The following STXBP5L variants were observed in gnomAD, a reference collection of about 807,000 sequenced individuals.
The protein encoded by STXBP5L is syntaxin binding protein 5L, also known as syntaxin-binding protein 5-like.
A neutral mutation model predicts 144.5 loss-of-function variants in STXBP5L; 65 were observed. That is an observed-to-expected ratio of 0.45 (90% CI 0.37 to 0.55). The LOEUF (loss-of-function observed/expected upper bound fraction) is 0.55, where lower values mean the gene tolerates loss of function less well. Among genes scored for constraint, STXBP5L ranks in the 20% least tolerant of loss-of-function variants. The pLI is 0.00. For synonymous variants in STXBP5L, 505 were observed against 469.6 expected (o/e 1.08, Z -0.97); for missense variants, 1,298 against 1,405.5 (o/e 0.92, Z 1.22).
At chr3:121,033,882 C>T (rs1014752323) in intron 3 of STXBP5L, among the ~76,000 whole-genome samples, 2 of 151,974 alleles carry the variant, frequency 1.3e-5, no homozygotes, top group Non-Finnish European at 1.5e-5. Flanking sequence ...CTGATTAATA[C>T]ATTACTGCTT....
chr3:121,170,881 A>G (rs1322655889), intron 9 of STXBP5L, among the ~76,000 whole-genome samples: 1 of 152,232 alleles, frequency 6.6e-6, no homozygotes, highest in Non-Finnish European at 1.5e-5. Flanking sequence ...TGGCAGAGAC[A>G]CAACAAAAAA....
At chr3:121,234,990 A>G (rs1252939613) in intron 12 of STXBP5L, among the ~76,000 whole-genome samples, 1 of 150,390 alleles carries the variant, frequency 6.6e-6, no homozygotes, top group East Asian at 1.9e-4. Context: ...TTTCTTCAGT[A>G]TATATATATA....
At chr3:121,090,478 T>C (rs1457979422) in intron 5 of STXBP5L, among the ~76,000 whole-genome samples, 8 of 152,172 alleles carry the variant, frequency 5.3e-5, no homozygotes, top group Admixed American at 5.2e-4. Context: ...CATATAGATG[T>C]AGAAAATATT....
chr3:121,215,218 GT>G (rs1233013129), intron 10 of STXBP5L, among the ~76,000 whole-genome samples: 1 of 152,038 alleles, frequency 6.6e-6, no homozygotes, highest in East Asian at 1.9e-4. Context: ...GGTTAATATT[GT>G]TATGTGTAAA....
In STXBP5L at chr3:121,313,288, C is replaced by T. The variant is rs1314222447; in HGVS notation, c.2111-5187C>T. On this transcript the variant is annotated intron_variant, in intron 19 of 26. Coordinates refer to ENST00000471454, the MANE Select transcript of STXBP5L (RefSeq NM_001308330.2). ...GGGGCTCCTCACTTCCCAGTAGGGG[C>T]GGCTGGGCAGAGGCGCCCCTCACCT... Among the ~76,000 whole-genome samples, 657 of 139,166 alleles carry T rather than the reference C, an allele frequency of 4.7e-3. 9 individuals are homozygous for T. Among genetic ancestry groups the T allele is most frequent in the African/African-American group, 0.016 (567 of 36,362 alleles). 91.3% of individuals were successfully genotyped at this position (139,166 alleles called of 152,430 possible). A position where few individuals can be genotyped will look rare whatever the true frequency, so the allele number is the denominator to read the frequency against.
chr3:121,326,152 ATATAT>A (rs2044138861), intron 20 of STXBP5L, among the ~76,000 whole-genome samples: 1 of 152,050 alleles, frequency 6.6e-6, no homozygotes, highest in Non-Finnish European at 1.5e-5. Context: ...CCAAATAGAA[ATATAT>A]TATATATTTT....
chr3:120,912,954 C>G (rs1402465393), intron 2 of STXBP5L, among the ~76,000 whole-genome samples: 1 of 151,884 alleles, frequency 6.6e-6, no homozygotes, highest in Non-Finnish European at 1.5e-5. Flanking sequence ...ACTAGAATAC[C>G]TTTTCTACTT....
intron 1 of STXBP5L, chr3:120,909,245 G>A (rs1435623562): frequency 4.0e-6 from 1 of 249,460 alleles, no homozygotes. Flanking sequence ...TGCTAATGAC[G>A]ATGATGACAC....
At chr3:120,939,213 T>C (rs1434346489) in intron 2 of STXBP5L, among the ~76,000 whole-genome samples, 1 of 152,192 alleles carries the variant, frequency 6.6e-6, no homozygotes, top group Non-Finnish European at 1.5e-5. Context: ...TAGTACGTAG[T>C]AAACAAATGG....
At chr3:121,217,898 C>T (rs557087792) in intron 10 of STXBP5L, among the ~76,000 whole-genome samples, 71 of 151,042 alleles carry the variant, frequency 4.7e-4, no homozygotes, top group Non-Finnish European at 7.7e-4. Context: ...GAGGTCTTTA[C>T]AATTTGTATT....
At chr3:120,960,354 T>C (rs1260924435) in intron 3 of STXBP5L, among the ~76,000 whole-genome samples, 1 of 152,192 alleles carries the variant, frequency 6.6e-6, no homozygotes, top group Non-Finnish European at 1.5e-5. Context: ...AGTGTGGCGA[T>C]TCCTCAGGGA....
intron 3 of STXBP5L, among the ~76,000 whole-genome samples, chr3:121,031,942 C>T (rs1314729585): frequency 6.6e-6 from 1 of 152,006 alleles, no homozygotes; most frequent in East Asian, 1.9e-4. Context: ...AGATAGGATA[C>T]AGAAAAAGCA....
intron 9 of STXBP5L, among the ~76,000 whole-genome samples, chr3:121,198,916 C>A (rs9857034): frequency 6.6e-6 from 1 of 152,132 alleles, no homozygotes; most frequent in South Asian, 2.1e-4. Flanking sequence ...ACTCAGGTAG[C>A]GTGATGCTTC....
At chr3:120,941,252 C>T (rs1015620563) in intron 2 of STXBP5L, among the ~76,000 whole-genome samples, 11 of 151,504 alleles carry the variant, frequency 7.3e-5, no homozygotes, top group African/African-American at 1.9e-4. Flanking sequence ...GTAATTAATA[C>T]GGTAGGGAAG....
chr3:120,950,422 GT>G (rs1357407679), intron 2 of STXBP5L, among the ~76,000 whole-genome samples: 3 of 151,808 alleles, frequency 2.0e-5, no homozygotes, highest in African/African-American at 7.3e-5. Flanking sequence ...ATTACTTTAG[GT>G]TTGTATAAGT....
At chr3:121,350,960 GT>G (rs2045255546) in intron 20 of STXBP5L, among the ~76,000 whole-genome samples, 1 of 152,090 alleles carries the variant, frequency 6.6e-6, no homozygotes, top group South Asian at 2.1e-4. Context: ...CTCTCAACTC[GT>G]CAAAATCATT....
chr3:121,354,049 G>C (rs1376342793), intron 20 of STXBP5L, among the ~76,000 whole-genome samples: 1 of 152,210 alleles, frequency 6.6e-6, no homozygotes, highest in African/African-American at 2.4e-5. Context: ...CTGAGAGACA[G>C]TTTGTTGTGA....
At chr3:121,367,790 C>CTTTTTT (rs200992044) in intron 20 of STXBP5L, among the ~76,000 whole-genome samples, 16,522 of 105,896 alleles carry the variant, frequency 0.16, 2,255 homozygotes, top group Middle Eastern at 0.17. Flanking sequence ...TTTGCTTTTC[C>CTTTTTT]TTTTTTTTTT....
intron 9 of STXBP5L, chr3:121,158,555 T>A (rs1435709536): frequency 6.6e-6 from 1 of 152,180 alleles, no homozygotes; most frequent in South Asian, 2.1e-4. Flanking sequence ...ATGTAAATGT[T>A]TTAGTCTTTA....
Sources: gnomAD v4.1 joint callset for allele counts (sites outside exome capture counted in the v4.1 genomes callset) on GRCh38, gnomAD v4.1.1 for gene constraint, MANE v1.5 for transcripts, NCBI Gene and HGNC (gene_info 2026-07-23, HGNC 2026-07-21) for gene names.